ALDH1L1: variants seen among roughly 807,000 people sequenced by gnomAD.
ALDH1L1 encodes aldehyde dehydrogenase 1 family member L1.
Under a neutral mutation model 101.1 loss-of-function variants are expected in ALDH1L1, and 68 were observed. The ratio of observed to expected loss-of-function variants is 0.67; its 90% CI spans 0.55 to 0.82. The LOEUF (loss-of-function observed/expected upper bound fraction) is 0.82, where lower values mean the gene tolerates loss of function less well. Ranked by LOEUF, ALDH1L1 falls within the 40% of genes least tolerant of loss-of-function variation. The pLI is 0.00. For missense variants in ALDH1L1, 1,087 were observed against 1,172.7 expected, an observed-to-expected ratio of 0.93 and a Z score of 1.07; for synonymous variants, 486 against 470.8, an observed-to-expected ratio of 1.03 and a Z score of -0.42.
chr3:126,111,742 G>T (rs1347843166), intron 19 of ALDH1L1, among the ~76,000 whole-genome samples: 2 of 152,126 alleles, frequency 1.3e-5, no homozygotes, highest in Non-Finnish European at 2.9e-5. Flanking sequence ...CCATCTCTCT[G>T]AAACCATGTG....
chr3:126,166,018 A>G (rs1576484717), intron 1 of ALDH1L1, among the ~76,000 whole-genome samples: 2 of 150,666 alleles, frequency 1.3e-5, no homozygotes, highest in East Asian at 3.9e-4. Flanking sequence ...TAGTTTGTTA[A>G]TTTGAGATCT....
At chr3:126,133,426 G>A (rs966208584) in intron 12 of ALDH1L1, among the ~76,000 whole-genome samples, 2 of 152,168 alleles carry the variant, frequency 1.3e-5, no homozygotes, top group African/African-American at 4.8e-5. Context: ...AGCTTGTGGT[G>A]TGCCATGCCT....
chr3:126,126,202 A>G (rs373854480), intron 14 of ALDH1L1, among the ~76,000 whole-genome samples: 6 of 152,264 alleles, frequency 3.9e-5, no homozygotes, highest in Middle Eastern at 3.4e-3. Flanking sequence ...CTCTGTGTGA[A>G]GCCATGGTGC....
In ALDH1L1 at chr3:126,131,378, C is replaced by G. The variant is rs771696700; in HGVS notation, c.1623+6G>C. The G allele has an allele frequency of 1.7e-4, 267 of 1,590,530 alleles. 1 individual carries two copies. The highest frequency in any genetic ancestry group is 2.3e-4 in the Non-Finnish European group (262 of 1,161,988). Reference sequence around the variant, plus strand: ...TGCTCACACTGGGTGGGAGCCTGGGCCCCACCTGGATCTTGTCACACCAGC... The same window carrying G: ...TGCTCACACTGGGTGGGAGCCTGGGGCCCACCTGGATCTTGTCACACCAGC... On this transcript the variant is annotated splice_donor_region_variant and intron_variant, in intron 13 of 22. Transcript: ENST00000393434.
chr3:126,167,963 C>T (rs1368788890), intron 1 of ALDH1L1, among the ~76,000 whole-genome samples: 3 of 152,026 alleles, frequency 2.0e-5, no homozygotes, highest in African/African-American at 7.2e-5. Context: ...TTAAAAATTG[C>T]TAAAAGTTAT....
chr3:126,153,891 C>T (rs1347401765), intron 6 of ALDH1L1, among the ~76,000 whole-genome samples: 3 of 152,226 alleles, frequency 2.0e-5, no homozygotes, highest in Non-Finnish European at 2.9e-5. Flanking sequence ...CCAGGCATCA[C>T]GGAATGAGGC....
In ALDH1L1 at chr3:126,154,651, G is replaced by A. The variant is rs1185278001; in HGVS notation, c.631-8C>T. ...CGGCTGGTCCCAGTTGATCTGTGGG[G>A]AGCAAGGTGTGTGTGCTCAGCTGGT... On this transcript the variant is annotated splice_region_variant and splice_polypyrimidine_tract_variant and intron_variant, in intron 5 of 22. Transcript: ENST00000393434. The A allele has an allele frequency of 1.1e-5, 18 of 1,613,804 alleles. No individual in the cohort carries two copies. Among genetic ancestry groups the A allele is most frequent in the Non-Finnish European group, 1.5e-5 (18 of 1,179,922 alleles).
intron 6 of ALDH1L1, 135 bp from the exon 7 acceptor site, chr3:126,153,716 C>A (rs1043517693): frequency 1.9e-5 from 22 of 1,136,160 alleles, no homozygotes; most frequent in Non-Finnish European, 1.3e-5. Context: ...GGCTCAAAGC[C>A]CATGTGACCC....
intron 8 of ALDH1L1, among the ~76,000 whole-genome samples, chr3:126,148,481 G>A (rs1301555339): frequency 4.6e-5 from 7 of 152,252 alleles, no homozygotes; most frequent in East Asian, 3.9e-4. Flanking sequence ...GCCTCCCCTC[G>A]TTTTGGCCAT....
At chr3:126,150,333 A>G in intron 8 of ALDH1L1, 73 bp downstream of exon 8, 11 of 1,519,076 alleles carry the variant, frequency 7.2e-6, no homozygotes, top group Non-Finnish European at 8.9e-6. Context: ...AACTCTGGGG[A>G]GTGTGATTTG....
rs1946027007 is a variant in ALDH1L1, at chr3:126,110,011, C to T, written c.2280G>A (p.Glu760=). The T allele has an allele frequency of 1.2e-6, 2 of 1,614,226 alleles. No homozygotes were observed. Among genetic ancestry groups the T allele is most frequent in the Non-Finnish European group, 1.7e-6 (2 of 1,180,028 alleles). ...CTTCCTTCACGCCATGCTGGCAGTA[C>T]TCCATCAGCTTCACAAGGTGGGCAT... ...NHHAHLVKLM[E]YCQHGVKEGA... is the part of the protein sequence containing the mutation. Residue 760 remains glutamate, a synonymous_variant, in exon 20 of 23, where the codon GAG becomes GAA. Coordinates refer to ENST00000393434, the MANE Select transcript of ALDH1L1 (RefSeq NM_012190.4).
At chr3:126,188,942 G>GT (rs201083859) in intron 1 of ALDH1L1, among the ~76,000 whole-genome samples, 14 of 151,978 alleles carry the variant, frequency 9.2e-5, no homozygotes, top group East Asian at 1.9e-4. Flanking sequence ...TAGCCTGTTT[G>GT]TTGTTTTTTT....
At chr3:126,115,506 TA>T (rs2079945324) in intron 17 of ALDH1L1, 1 of 157,076 alleles carries the variant, frequency 6.4e-6, no homozygotes, top group Non-Finnish European at 1.4e-5. Flanking sequence ...TTTTTTTTAA[TA>T]AATTTTACTG....
intron 17 of ALDH1L1, 84 bp from the exon 18 acceptor site, chr3:126,114,740 G>T: frequency 7.8e-7 from 1 of 1,286,872 alleles, no homozygotes; most frequent in Non-Finnish European, 1.1e-6. Context: ...GACCTGGGTA[G>T]GCCCAAAGCA....
chr3:126,146,127 G>A (rs2080672455), intron 9 of ALDH1L1, among the ~76,000 whole-genome samples: 1 of 152,260 alleles, frequency 6.6e-6, no homozygotes, highest in African/African-American at 2.4e-5. Flanking sequence ...TGGTCACAAT[G>A]CCCACCCCTG....
chr3:126,160,769 CCCAGACTCCCACCTACTGCTT>C, intron 2 of ALDH1L1, 63 bp downstream of exon 2: 1 of 1,563,734 alleles, frequency 6.4e-7, no homozygotes, highest in East Asian at 2.2e-5. Context: ...GACTTCTGCT[CCCAGACTCCCACCTACTGCTT>C]CCCTTCTACC....
chr3:126,159,038 T>G (rs2080982373), intron 2 of ALDH1L1, among the ~76,000 whole-genome samples: 1 of 152,222 alleles, frequency 6.6e-6, no homozygotes. Flanking sequence ...TGTTCCCTGA[T>G]GGAGGAAGAA....
At chr3:126,149,523 G>A (rs1177960687) in intron 8 of ALDH1L1, among the ~76,000 whole-genome samples, 1 of 152,236 alleles carries the variant, frequency 6.6e-6, no homozygotes, top group Non-Finnish European at 1.5e-5. Context: ...ACTGCTCCAG[G>A]GATATCTTTG....
intron 14 of ALDH1L1, among the ~76,000 whole-genome samples, chr3:126,127,681 C>A (rs180986817): frequency 1.3e-5 from 2 of 152,272 alleles, no homozygotes; most frequent in Admixed American, 6.5e-5. Context: ...GCTGAGGTTG[C>A]GGTGGCACTG....
Sources: gnomAD v4.1 joint callset for allele counts (sites outside exome capture counted in the v4.1 genomes callset) on GRCh38, gnomAD v4.1.1 for gene constraint, MANE v1.5 for transcripts, NCBI Gene and HGNC (gene_info 2026-07-23, HGNC 2026-07-21) for gene names.